The following CIT variants were observed in gnomAD, a reference collection of about 807,000 sequenced individuals.
CIT encodes the protein citron Rho-interacting kinase.
In CIT, 79 loss-of-function variants were observed where a neutral mutation model predicts 272.7. That is an observed-to-expected ratio of 0.29 (90% CI 0.24 to 0.35). The LOEUF is 0.35. Ranked by LOEUF, CIT falls within the 10% of genes least tolerant of loss-of-function variation. The pLI is 1.00. For synonymous variants in CIT, 948 were observed against 995.6 expected, an observed-to-expected ratio of 0.95 and a Z score of 0.90; for missense variants, 1,909 against 2,618.3, an observed-to-expected ratio of 0.73 and a Z score of 5.91.
intron 26 of CIT, among the ~76,000 whole-genome samples, 154 bp downstream of exon 26, chr12:119,734,010 T>C (rs1378467459): frequency 6.6e-6 from 1 of 151,950 alleles, no homozygotes; most frequent in Non-Finnish European, 1.5e-5. Flanking sequence ...TATCCTGGTT[T>C]GCCCAAGAGT....
Position 119,697,996 on chromosome 12 carries a change from G to A in CIT, c.5682C>T (p.Ile1894=). 6.2e-7 allele frequency: 1 copy of A among 1,614,198 alleles called. No homozygotes were observed. Among genetic ancestry groups the A allele is most frequent in the African/African-American group, 1.3e-5 (1 of 75,050 alleles). The change falls in exon 45 of 48, where the codon ATC becomes ATT. Residue 1894 remains isoleucine, a synonymous_variant. Coordinates refer to ENST00000392521, the MANE Select transcript of CIT (RefSeq NM_001206999.2). The surrounding 1 kb of genome is among the most constrained non-coding windows in gnomAD (Gnocchi z 4.9). ...THFNSLEVIE[I]QARSSAGTPA... Reference sequence around the variant, plus strand: ...CTTACCCTGCTGAGGAGCGTGCCTGGATCTCAATTACTTCGAGTGAGTTGA... The same window carrying A: ...CTTACCCTGCTGAGGAGCGTGCCTGAATCTCAATTACTTCGAGTGAGTTGA...
intron 23 of CIT, among the ~76,000 whole-genome samples, chr12:119,747,648 A>T (rs1959633596): frequency 6.6e-6 from 1 of 151,834 alleles, no homozygotes; most frequent in Non-Finnish European, 1.5e-5. Flanking sequence ...TGAACCCAGG[A>T]GGTGGAAGTT....
At chr12:119,773,000 C>T (rs1963340652) in intron 16 of CIT, 90 bp from the exon 17 acceptor site, 2 of 678,298 alleles carry the variant, frequency 2.9e-6, no homozygotes, top group South Asian at 4.2e-5. Context: ...TATCCCAGAA[C>T]TTAAAGTATA....
intron 2 of CIT, 68 bp from the exon 3 acceptor site, chr12:119,869,269 C>G (rs970740210): frequency 6.8e-7 from 1 of 1,478,050 alleles, no homozygotes; most frequent in East Asian, 2.3e-5. Flanking sequence ...AACATCCACA[C>G]AGAGTAAATT....
chr12:119,763,098 A>G (rs1279958244), intron 19 of CIT, among the ~76,000 whole-genome samples: 1 of 152,192 alleles, frequency 6.6e-6, no homozygotes, highest in East Asian at 1.9e-4. Context: ...TAGCTTTCAT[A>G]GGGTTCAACT....
Position 119,713,652 on chromosome 12 carries a change from G to A in CIT, c.4307-4C>T, listed in dbSNP as rs1283817328. 1.2e-6 allele frequency: 2 copies of A among 1,614,078 alleles called. No individual in the cohort carries two copies. The highest frequency in any genetic ancestry group is 1.3e-5 in the African/African-American group (1 of 74,942). On this transcript the variant is annotated splice_region_variant and splice_polypyrimidine_tract_variant and intron_variant, in intron 33 of 47. Transcript: ENST00000392521. This position sits in a 1 kb window ranked among gnomAD's most constrained non-coding sequence, Gnocchi z 5.2. ...GGGTGACACATCACCTGACATTCTA[G>A]GGAAGAACAGTGAGCAACCTGAGGG... is the stretch of plus-strand genomic sequence containing the variant.
At chr12:119,838,883 A>T (rs1387791931) in intron 5 of CIT, among the ~76,000 whole-genome samples, 4 of 152,198 alleles carry the variant, frequency 2.6e-5, no homozygotes, top group African/African-American at 9.7e-5. Context: ...TCACCAAGGC[A>T]TGGTAATCAA....
rs1189854292 is a variant in CIT at position 119,697,890 on chromosome 12, T to A, written c.5703-52A>T. ...CTTCATTGCAGGCTACCTCCATTGC[T>A]AGGCAAGTTAGGAAGGAACATGCGG... is the stretch of plus-strand genomic sequence containing the variant. On this transcript the variant is annotated intron_variant, in intron 45 of 47. Coordinates refer to ENST00000392521, the MANE Select transcript of CIT (RefSeq NM_001206999.2). This position sits in a 1 kb window ranked among gnomAD's most constrained non-coding sequence, Gnocchi z 4.9. The A allele has an allele frequency of 6.2e-7, 1 of 1,612,954 alleles. No homozygotes were observed. The highest frequency in any genetic ancestry group is 1.3e-5 in the African/African-American group (1 of 74,882).
intron 32 of CIT, among the ~76,000 whole-genome samples, chr12:119,714,618 A>G (rs1423880274): frequency 6.6e-6 from 1 of 152,206 alleles, no homozygotes; most frequent in Non-Finnish European, 1.5e-5. Context: ...GATGTGAATC[A>G]AAACCCCAAG....
rs1257197864 is a variant in CIT at position 119,718,097 on chromosome 12, C to T, written c.4168+148G>A. 5.6e-6 allele frequency: 5 copies of T among 895,208 alleles called. No individual in the cohort carries two copies. Among genetic ancestry groups the T allele is most frequent in the Non-Finnish European group, 8.1e-6 (5 of 616,004 alleles). 55.5% of individuals were successfully genotyped at this position (895,208 alleles called of 1,614,324 possible). A position where few individuals can be genotyped will look rare whatever the true frequency, so the allele number is the denominator to read the frequency against. On this transcript the variant is annotated intron_variant, in intron 32 of 47. Transcript: ENST00000392521. The surrounding 1 kb of genome is among the most constrained non-coding windows in gnomAD (Gnocchi z 4.8). ...TCAGGTGATCCGCCCACCTCGGCCT[C>T]CCAAAGTGCTGGGGTTACAGGTGTG...
intron 24 of CIT, among the ~76,000 whole-genome samples, chr12:119,739,132 T>G (rs1225608931): frequency 2.6e-5 from 4 of 152,190 alleles, no homozygotes; most frequent in African/African-American, 9.7e-5. Context: ...CCTATTTTAA[T>G]GCCTGGTTCT....
Position 119,735,345 on chromosome 12 carries a change from G to T in CIT, c.2971C>A (p.Leu991Met), listed in dbSNP as rs769182852. The stretch of plus-strand genomic sequence containing the variant: ...GTCAGCTGGTTTAGCTGCTCCTCCA[G>T]GTCTGTGATTACCTAAAAGAGGAAA... ...LRNSCTVITD[L>M]EEQLNQLTED... The change falls in exon 25 of 48, where the codon CTG (leucine) becomes ATG (methionine). Residue 991 changes from leucine to methionine, a missense_variant. Coordinates refer to ENST00000392521, the MANE Select transcript of CIT (RefSeq NM_001206999.2). 16 of 1,614,010 alleles carry T rather than the reference G, an allele frequency of 9.9e-6. No individual in the cohort carries two copies. The South Asian group carries it at 1.8e-4, about 18-fold the overall frequency.
intron 20 of CIT, among the ~76,000 whole-genome samples, chr12:119,760,347 G>A (rs1479749762): frequency 6.6e-6 from 1 of 152,000 alleles, no homozygotes; most frequent in East Asian, 1.9e-4. Context: ...GAAGAGAAGT[G>A]TAGGGCCAGG....
intron 9 of CIT, among the ~76,000 whole-genome samples, chr12:119,805,649 A>G (rs1197520115): frequency 6.6e-6 from 1 of 152,232 alleles, no homozygotes; most frequent in Non-Finnish European, 1.5e-5. Flanking sequence ...TCTTTAGGAG[A>G]CCAAAATAGA....
At chr12:119,844,197 T>C (rs1220444920) in intron 5 of CIT, among the ~76,000 whole-genome samples, 2 of 152,018 alleles carry the variant, frequency 1.3e-5, no homozygotes, top group African/African-American at 4.8e-5. Context: ...AATTTTTGTA[T>C]TCTTAGTAGA....
intron 28 of CIT, among the ~76,000 whole-genome samples, chr12:119,722,471 T>G (rs965731004): frequency 2.0e-5 from 3 of 152,204 alleles, no homozygotes; most frequent in African/African-American, 7.2e-5. Context: ...TGGCCCTCTC[T>G]GTCTCTTTGC....
intron 10 of CIT, among the ~76,000 whole-genome samples, chr12:119,788,013 A>G (rs1892699865): frequency 6.6e-6 from 1 of 152,214 alleles, no homozygotes; most frequent in South Asian, 2.1e-4. Flanking sequence ...TAAATAGTAC[A>G]TGCCTCACGG....
At chr12:119,764,620 AAAAG>A (rs1460122406) in intron 19 of CIT, among the ~76,000 whole-genome samples, 2 of 151,556 alleles carry the variant, frequency 1.3e-5, no homozygotes, top group East Asian at 1.9e-4. Flanking sequence ...AAAAAAAAAA[AAAAG>A]AAAGAAAGAA....
At chr12:119,758,122 A>G (rs1454074611) in intron 21 of CIT, among the ~76,000 whole-genome samples, 1 of 152,136 alleles carries the variant, frequency 6.6e-6, no homozygotes, top group East Asian at 1.9e-4. Context: ...AAGGGGGAAA[A>G]AAATCCTGGA....
Sources: allele counts gnomAD v4.1 joint callset (sites outside exome capture counted in the v4.1 genomes callset), GRCh38; gene constraint gnomAD v4.1.1; non-coding constraint Gnocchi (gnomAD v3.1); transcripts MANE v1.5; gene names NCBI Gene and HGNC (gene_info 2026-07-23, HGNC 2026-07-21).